Variants in ADGRA3 observed in about 807,000 individuals in gnomAD.
The protein encoded by ADGRA3 is adhesion G protein-coupled receptor A3, also known as G-protein coupled receptor 125.
ADGRA3 carries 56 observed loss-of-function variants against 119.8 expected under a neutral mutation model. The observed-to-expected ratio is 0.47, with a 90% CI of 0.38 to 0.58. The LOEUF is 0.58. Among genes scored for constraint, ADGRA3 ranks in the 20% least tolerant of loss-of-function variants. ADGRA3 has a pLI of 0.00. For missense variants in ADGRA3, 1,516 were observed against 1,649.0 expected (o/e 0.92, Z 1.40); for synonymous variants, 607 against 623.8 (o/e 0.97, Z 0.40).
intron 7 of ADGRA3, among the ~76,000 whole-genome samples, chr4:22,438,943 G>A (rs1005961890): frequency 3.3e-5 from 5 of 152,178 alleles, no homozygotes; most frequent in African/African-American, 1.2e-4. Context: ...GGAGGTTGCA[G>A]TGAGCCAAGA....
At chr4:22,510,191 C>A (rs1444338858) in intron 1 of ADGRA3, among the ~76,000 whole-genome samples, 1 of 152,086 alleles carries the variant, frequency 6.6e-6, no homozygotes, top group Non-Finnish European at 1.5e-5. Context: ...TTCCCTGCTG[C>A]CATCAGAAGC....
At chr4:22,490,756 A>G (rs1718594170) in intron 1 of ADGRA3, among the ~76,000 whole-genome samples, 1 of 152,246 alleles carries the variant, frequency 6.6e-6, no homozygotes, top group Non-Finnish European at 1.5e-5. Flanking sequence ...TAAAGGGCAG[A>G]CAAAGAAGGG....
At chr4:22,420,579 T>C (rs1715617216) in intron 12 of ADGRA3, 3 of 439,484 alleles carry the variant, frequency 6.8e-6, no homozygotes, top group Admixed American at 4.0e-5. Context: ...AAATAAACTT[T>C]TAAGTCAAAT....
At chr4:22,450,951 A>AATAT (rs1310599032) in intron 4 of ADGRA3, among the ~76,000 whole-genome samples, 52 of 122,750 alleles carry the variant, frequency 4.2e-4, no homozygotes, top group East Asian at 1.7e-3. Context: ...AAAAAAAAAA[A>AATAT]ATATATATAT....
chr4:22,472,403 C>A (rs1717889008), intron 2 of ADGRA3, among the ~76,000 whole-genome samples: 1 of 152,172 alleles, frequency 6.6e-6, no homozygotes, highest in Admixed American at 6.5e-5. Flanking sequence ...CCGCCCTTAG[C>A]TTAGGCAGGC....
intron 11 of ADGRA3, among the ~76,000 whole-genome samples, chr4:22,422,515 T>C (rs1715747143): frequency 6.6e-6 from 1 of 152,160 alleles, no homozygotes; most frequent in African/African-American, 2.4e-5. Flanking sequence ...CAAAGACACA[T>C]GTAAACAACC....
rs1324354544 is a variant in ADGRA3 at position 22,493,458 on chromosome 4, T to C, written c.258-19615A>G. Among the ~76,000 whole-genome samples, 4 of 152,176 alleles carry C rather than the reference T, an allele frequency of 2.6e-5. No individual in the cohort carries two copies. In the East Asian group the frequency reaches 7.7e-4, roughly 29 times the overall value. ...AACAGTACCATCCAACCTCTTTTTGTTAGACAAAAAATAATAATAATAATG... is the reference window on the plus strand; with the variant it reads ...AACAGTACCATCCAACCTCTTTTTGCTAGACAAAAAATAATAATAATAATG... On this transcript the variant is annotated intron_variant, in intron 1 of 18. Transcript: ENST00000334304.
intron 1 of ADGRA3, among the ~76,000 whole-genome samples, chr4:22,504,370 G>A (rs149203667): frequency 4.5e-4 from 69 of 152,232 alleles, no homozygotes; most frequent in African/African-American, 1.4e-3. Context: ...GTTCAGTTTC[G>A]CAGCCTGACA....
intron 2 of ADGRA3, among the ~76,000 whole-genome samples, chr4:22,470,132 C>T (rs1717804631): frequency 1.3e-5 from 2 of 152,088 alleles, no homozygotes; most frequent in South Asian, 2.1e-4. Flanking sequence ...TTAAGCTAAC[C>T]ATCTTTTTAC....
At chr4:22,503,534 G>A (rs1247675702) in intron 1 of ADGRA3, among the ~76,000 whole-genome samples, 1 of 152,174 alleles carries the variant, frequency 6.6e-6, no homozygotes, top group Non-Finnish European at 1.5e-5. Context: ...TTAACTAGAA[G>A]GAGGCACAAC....
intron 16 of ADGRA3, among the ~76,000 whole-genome samples, chr4:22,396,766 G>A (rs1457816265): frequency 1.7e-5 from 1 of 60,052 alleles, no homozygotes; most frequent in African/African-American, 4.9e-5. Flanking sequence ...GTCTAGACTT[G>A]CCTTTCCCTT....
chr4:22,447,847 A>C (rs891403274), intron 4 of ADGRA3, among the ~76,000 whole-genome samples: 2 of 152,242 alleles, frequency 1.3e-5, no homozygotes, highest in Non-Finnish European at 2.9e-5. Flanking sequence ...CTAATTTAAG[A>C]AAGCAGCAAA....
At chr4:22,467,101 G>T (rs16872703) in intron 2 of ADGRA3, among the ~76,000 whole-genome samples, 2 of 152,018 alleles carry the variant, frequency 1.3e-5, no homozygotes, top group East Asian at 1.9e-4. Context: ...GTTGACCTTC[G>T]AATAATTCAC....
intron 16 of ADGRA3, among the ~76,000 whole-genome samples, chr4:22,401,133 CAA>C (rs1325650413): frequency 6.6e-6 from 1 of 151,950 alleles, no homozygotes; most frequent in East Asian, 1.9e-4. Flanking sequence ...CTCTTTCAGC[CAA>C]AGTCAGAATT....
Position 22,401,526 on chromosome 4 carries a change from G to A in ADGRA3, c.2386C>T (p.His796Tyr), listed in dbSNP as rs1347393129. The change falls in exon 16 of 19, where the codon CAC (histidine) becomes TAC (tyrosine). Residue 796 changes from histidine (H) to tyrosine (Y), a missense_variant. Coordinates refer to ENST00000334304, the MANE Select transcript of ADGRA3 (RefSeq NM_145290.4). ...TGAAAGCACAAGTTCACAAGCATGT[G>A]CCAGCTCTTGAGGCTGATTCTAATC... ...SLIRISLKSW[H>Y]MLVNLCFHIF... The A allele has an allele frequency of 4.4e-6, 7 of 1,607,978 alleles. 1 individual carries two copies. In the South Asian group the frequency reaches 6.7e-5, roughly 15 times the overall value.
rs977504120 is a variant in ADGRA3 at position 22,515,908 on chromosome 4, A to G, written c.-124T>C. On this transcript the variant is annotated 5_prime_UTR_variant, in exon 1 of 19. Coordinates refer to ENST00000334304, the MANE Select transcript of ADGRA3 (RefSeq NM_145290.4). ...ACCGGAGCCTTATGGCGGCCGGAGG[A>G]CGGGCCTTCCCCGGCGCGGACATGC... The G allele has an allele frequency of 1.7e-6, 1 of 584,684 alleles. No individual in the cohort carries two copies. The highest frequency in any genetic ancestry group is 2.2e-6 in the Non-Finnish European group (1 of 464,978). The allele number at this position is 584,684 out of a possible 1,614,324, so 36.2% of individuals were successfully genotyped here.
chr4:22,495,663 C>T (rs1376034825), intron 1 of ADGRA3, among the ~76,000 whole-genome samples: 1 of 151,444 alleles, frequency 6.6e-6, no homozygotes, highest in African/African-American at 2.4e-5. Flanking sequence ...AATCCCAGCA[C>T]TTTGGGAGGC....
chr4:22,474,838 A>C (rs1050011540), intron 1 of ADGRA3, among the ~76,000 whole-genome samples: 1 of 152,194 alleles, frequency 6.6e-6, no homozygotes, highest in Non-Finnish European at 1.5e-5. Context: ...AGCATTGCAT[A>C]ACTTTCAGGG....
intron 14 of ADGRA3, among the ~76,000 whole-genome samples, chr4:22,403,194 T>C (rs901194684): frequency 6.6e-6 from 1 of 152,038 alleles, no homozygotes; most frequent in Non-Finnish European, 1.5e-5. Flanking sequence ...ATGAGAGCAG[T>C]ATCTCTGAGG....
Sources: gnomAD v4.1 joint callset for allele counts (sites outside exome capture counted in the v4.1 genomes callset) on GRCh38, gnomAD v4.1.1 for gene constraint, MANE v1.5 for transcripts, NCBI Gene and HGNC (gene_info 2026-07-23, HGNC 2026-07-21) for gene names.